The following SMTN variants were observed in gnomAD, a reference collection of about 807,000 sequenced individuals.
The protein encoded by SMTN is smoothelin.
In SMTN, 58 loss-of-function variants were observed where a neutral mutation model predicts 102.0. The observed-to-expected ratio is 0.57, with a 90% CI of 0.46 to 0.71. The LOEUF is 0.71. Ranked by LOEUF, SMTN falls within the 30% of genes least tolerant of loss-of-function variation. The pLI is 0.00. For synonymous variants in SMTN, 478 were observed against 497.9 expected (o/e 0.96, Z 0.53); for missense variants, 1,185 against 1,241.7 (o/e 0.95, Z 0.69).
In SMTN at chr22:31,099,893, C is replaced by T. The variant is rs538229101; in HGVS notation, c.2600C>T (p.Ala867Val). The T allele has an allele frequency of 8.7e-6, 14 of 1,613,868 alleles. No homozygotes were observed. In the Admixed American group the frequency reaches 1.2e-4, roughly 13 times the overall value. ...AACTTCGAGGTGGCCTTCTCATCTG[C>T]GGAGTAAGTGTGGGCCCTGGCCCTG... ...RQNFEVAFSS[A>V]ETHADCPQLL... Residue 867 changes from alanine (A) to valine (V), a missense_variant, in exon 19 of 21, where the codon GCG becomes GTG. By Grantham distance (64) the Ala-to-Val change is moderately conservative (BLOSUM62 0). Transcript: ENST00000333137.
Position 31,096,790 on chromosome 22 carries a change from A to G in SMTN, c.1919A>G (p.Glu640Gly), listed in dbSNP as rs1028312957. Residue 640 changes from glutamate (E) to glycine (G), a missense_variant, in exon 14 of 21, where the codon GAG becomes GGG. Physicochemically the swap from Glu to Gly is moderately conservative, Grantham distance 98. Transcript: ENST00000333137. Reference protein sequence around the residue: ...RLQEARGRPGEGRGNTATETT... With the variant: ...RLQEARGRPGGGRGNTATETT... ...CAGGAGGCACGGGGCCGGCCAGGGGAGGGGCGCGGCAACACAGCCACTGAG... is the reference window on the plus strand; with the variant it reads ...CAGGAGGCACGGGGCCGGCCAGGGGGGGGGCGCGGCAACACAGCCACTGAG... 6.4e-7 allele frequency: 1 copy of G among 1,563,872 alleles called. No homozygotes were observed. Among genetic ancestry groups the G allele is most frequent in the Non-Finnish European group, 8.6e-7 (1 of 1,156,452 alleles).
At chr22:31,075,002 C>T (rs11913045) in intron 1 of SMTN, among the ~76,000 whole-genome samples, 1,526 of 152,256 alleles carry the variant, frequency 0.01, 23 homozygotes, top group African/African-American at 0.034. Flanking sequence ...CCCCAATTTA[C>T]AGAGGAGAAA....
rs773407841 is a variant in SMTN at position 31,090,972 on chromosome 22, C to A, written c.949C>A (p.Leu317Ile). The change falls in exon 10 of 21, where the codon CTT becomes ATT. Residue 317 changes from leucine (L) to isoleucine (I), a missense_variant. Leu to Ile is a conservative substitution (Grantham distance 5, BLOSUM62 2). Coordinates refer to ENST00000333137, the MANE Select transcript of SMTN (RefSeq NM_134269.3). ...CCTGTTCCTTCTAGAGTCCACCCCC[C>A]TTGCCAGCGGACCTTCCTCATTCCA... Reference protein sequence around the residue: ...QPAQNRESTPLASGPSSFQRA... With the variant: ...QPAQNRESTPIASGPSSFQRA... 2 of 1,613,122 alleles carry A rather than the reference C, an allele frequency of 1.2e-6. No homozygotes were observed. The highest frequency in any genetic ancestry group is 1.3e-5 in the African/African-American group (1 of 74,896).
chr22:31,081,830 A>G (rs1163536901), intron 1 of SMTN, among the ~76,000 whole-genome samples: 3 of 152,208 alleles, frequency 2.0e-5, no homozygotes, highest in Admixed American at 2.0e-4. Context: ...CAGCTGCCCC[A>G]TAGAAGAACA....
intron 8 of SMTN, 72 bp downstream of exon 8, chr22:31,090,252 A>G (rs1293911644): frequency 1.5e-6 from 2 of 1,311,500 alleles, no homozygotes; most frequent in Non-Finnish European, 2.1e-6. Context: ...CCTGCCTAGA[A>G]AATGGGCTCT....
Position 31,083,448 on chromosome 22 carries a change from C to A in SMTN, c.51+139C>A, listed in dbSNP as rs149875808. 1.2e-3 allele frequency: 1,283 copies of A among 1,069,238 alleles called. 17 individuals are homozygous for A. In the South Asian group the frequency reaches 0.014, roughly 11 times the overall value. 66.2% of individuals were successfully genotyped at this position (1,069,238 alleles called of 1,614,324 possible). ...AGGGGGACATGGGAACAGGGGTAGG[C>A]CAGTTCCATGTGGCTGATGCAGAGG... is the stretch of plus-strand genomic sequence containing the variant. On this transcript the variant is annotated intron_variant, in intron 2 of 20. Transcript: ENST00000333137.
chr22:31,085,391 C>T (rs1006143456), intron 2 of SMTN: 1 of 1,055,778 alleles, frequency 9.5e-7, no homozygotes, highest in Non-Finnish European at 1.3e-6. Flanking sequence ...GCCGGCGGGA[C>T]CCCCATGGGC....
At chr22:31,093,803 C>T in intron 11 of SMTN, 8 of 1,592,746 alleles carry the variant, frequency 5.0e-6, no homozygotes, top group Non-Finnish European at 6.8e-6. Flanking sequence ...GATGCCGGGA[C>T]CCCCGTGGCC....
intron 1 of SMTN, among the ~76,000 whole-genome samples, chr22:31,070,034 G>C (rs1198660415): frequency 3.3e-5 from 5 of 152,176 alleles, no homozygotes; most frequent in East Asian, 1.9e-4. Flanking sequence ...ACATGTTGAA[G>C]AGGAAAGTGA....
At chr22:31,069,434 G>A (rs2041945757) in intron 1 of SMTN, among the ~76,000 whole-genome samples, 1 of 152,190 alleles carries the variant, frequency 6.6e-6, no homozygotes, top group Admixed American at 6.5e-5. Flanking sequence ...GACACAAGAT[G>A]GGGATTGCCA....
chr22:31,078,122 A>C (rs536100965), upstream of SMTN, among the ~76,000 whole-genome samples: 1 of 152,202 alleles, frequency 6.6e-6, no homozygotes, highest in Non-Finnish European at 1.5e-5. Context: ...AGAGAGCCCA[A>C]GGCACAGCTC....
At chr22:31,076,213 C>A (rs950778655) in intron 1 of SMTN, among the ~76,000 whole-genome samples, 1 of 152,234 alleles carries the variant, frequency 6.6e-6, no homozygotes, top group Non-Finnish European at 1.5e-5. Context: ...ACCGTGGCCG[C>A]CTCCTCTGGG....
intron 2 of SMTN, chr22:31,087,044 G>C (rs1481381146): frequency 6.6e-6 from 1 of 152,284 alleles, no homozygotes; most frequent in Non-Finnish European, 1.5e-5. Flanking sequence ...CTGGTTATCA[G>C]ACCCACACTG....
In SMTN at chr22:31,097,321, A is replaced by G; in HGVS notation, c.2142A>G (p.Ser714=). The G allele has an allele frequency of 6.2e-7, 1 of 1,613,722 alleles. No homozygotes were observed. The highest frequency in any genetic ancestry group is 1.1e-5 in the South Asian group (1 of 91,060). ...MQTKTFSSSS[S]SKKMGSIFDR... ...CCAAGACCTTCTCCTCTTCCTCCTC[A>G]TCCAAGAAGATGGGCAGGTGAGCAC... The change falls in exon 16 of 21, where the codon TCA becomes TCG. Residue 714 remains serine, a synonymous_variant. Transcript: ENST00000333137.
rs752627653 is a variant in SMTN at position 31,088,834 on chromosome 22, C to G, written c.374-38C>G. 1.9e-6 allele frequency: 3 copies of G among 1,611,024 alleles called. No homozygotes were observed. The South Asian group carries it at 3.3e-5, about 18-fold the overall frequency. On this transcript the variant is annotated intron_variant, in intron 5 of 20. Transcript: ENST00000333137. Reference sequence around the variant, plus strand: ...CTGCTGTCTGCTGTCCACAGCACCTCCCTGTCACTCACCTGCCACTTGCTC... The same window carrying G: ...CTGCTGTCTGCTGTCCACAGCACCTGCCTGTCACTCACCTGCCACTTGCTC...
intron 10 of SMTN, 66 bp downstream of exon 10, chr22:31,091,548 C>G: frequency 6.6e-7 from 1 of 1,509,080 alleles, no homozygotes; most frequent in Non-Finnish European, 8.9e-7. Context: ...GCATGCAGGA[C>G]AGGTGCTGCG....
intron 1 of SMTN, among the ~76,000 whole-genome samples, chr22:31,069,658 CAGAGATGTGCCCTA>C (rs962829086): frequency 9.9e-5 from 15 of 152,270 alleles, no homozygotes; most frequent in African/African-American, 3.6e-4. Context: ...CATGCCCTGG[CAGAGATGTGCCCTA>C]AGAGGAACGA....
intron 6 of SMTN, 73 bp from the exon 7 acceptor site, chr22:31,089,626 G>C (rs1275259773): frequency 7.0e-7 from 1 of 1,437,846 alleles, no homozygotes; most frequent in South Asian, 1.3e-5. Context: ...GCACTTGCCA[G>C]CCTGGCCCTC....
chr22:31,079,363 A>C (rs2042206856), upstream of SMTN, among the ~76,000 whole-genome samples: 1 of 152,236 alleles, frequency 6.6e-6, no homozygotes, highest in Non-Finnish European at 1.5e-5. Context: ...CATCCCTTCC[A>C]TAGGGCCAAG....
Sources: gnomAD v4.1 joint callset for allele counts (sites outside exome capture counted in the v4.1 genomes callset) on GRCh38, gnomAD v4.1.1 for gene constraint, MANE v1.5 for transcripts, NCBI Gene and HGNC (gene_info 2026-07-23, HGNC 2026-07-21) for gene names.